Variants in ZNF292 observed in about 807,000 individuals in gnomAD.
ZNF292 encodes zinc finger protein 292.
In ZNF292, 26 loss-of-function variants were observed where a neutral mutation model predicts 217.9. That is an observed-to-expected ratio of 0.12 (90% CI 0.09 to 0.17). ZNF292 has a LOEUF of 0.17. Ranked by LOEUF, ZNF292 falls within the 10% of genes least tolerant of loss-of-function variation. ZNF292 has a pLI of 1.00. For missense variants in ZNF292, 2,904 were observed against 3,175.2 expected (o/e 0.91, Z 2.05); for synonymous variants, 1,257 against 1,124.1 (o/e 1.12, Z -2.37).
chr6:87,166,034 A>C (rs1770901800), intron 1 of ZNF292, among the ~76,000 whole-genome samples: 2 of 152,184 alleles, frequency 1.3e-5, no homozygotes, highest in Non-Finnish European at 2.9e-5. Flanking sequence ...TTGGGATTAC[A>C]GGCGGGAGCC....
At chr6:87,233,235 C>G (rs1773739925) in intron 4 of ZNF292, 90 bp from the exon 5 acceptor site, 7 of 923,060 alleles carry the variant, frequency 7.6e-6, no homozygotes, top group Middle Eastern at 3.5e-4. Context: ...CATTTTAGTT[C>G]CCGTGTTTAA....
In ZNF292 at chr6:87,260,619, G is replaced by A. The variant is rs779371322; in HGVS notation, c.6990G>A (p.Met2330Ile). The A allele has an allele frequency of 3.1e-6, 5 of 1,612,782 alleles. No individual in the cohort carries two copies. The South Asian group carries it at 4.4e-5, about 14-fold the overall frequency. Residue 2330 changes from methionine (M) to isoleucine (I), a missense_variant, in exon 8 of 8, where the codon ATG becomes ATA. Met to Ile is a conservative substitution (Grantham distance 10). Coordinates refer to ENST00000369577, the MANE Select transcript of ZNF292 (RefSeq NM_015021.3). The stretch of plus-strand genomic sequence containing the variant: ...GATGTGGAAAGGAAGGAATAAAAAT[G>A]CCCAAGACCAAACGAAAGAAAAAAA... Reference protein sequence around the residue: ...HSRCGKEGIKMPKTKRKKKNN... With the variant: ...HSRCGKEGIKIPKTKRKKKNN...
At chr6:87,192,519 G>A (rs1473125316) in intron 1 of ZNF292, among the ~76,000 whole-genome samples, 2 of 151,808 alleles carry the variant, frequency 1.3e-5, no homozygotes, top group African/African-American at 4.8e-5. Flanking sequence ...TTTTTATCAT[G>A]GACACTCTTC....
chr6:87,233,982 T>A (rs1001771412), intron 5 of ZNF292, among the ~76,000 whole-genome samples: 13 of 152,222 alleles, frequency 8.5e-5, no homozygotes, highest in Admixed American at 2.0e-4. Context: ...ATGCTATATA[T>A]CATTTTGAGT....
rs759464197 is a variant in ZNF292 at position 87,259,052 on chromosome 6, ATTC to A, written c.5428_5430del (p.Ser1810del). The A allele has an allele frequency of 4.8e-5, 78 of 1,613,462 alleles. No homozygotes were observed. Among genetic ancestry groups the A allele is most frequent in the South Asian group, 3.5e-4 (32 of 91,044 alleles). On this transcript the variant is annotated inframe_deletion, in exon 8 of 8. Transcript: ENST00000369577. ...ACTGTGCAAAATAACAAATTACCCG[ATTC>A]TTCTCCGTTTTCCTCCTTTATAAGT...
At position 87,257,310 on chromosome 6, in the gene ZNF292, A is replaced by G. The variant is rs146052403; in HGVS notation, c.3681A>G (p.Leu1227=). The change falls in exon 8 of 8, where the codon TTA becomes TTG. Residue 1227 remains leucine (L), a synonymous_variant. Coordinates refer to ENST00000369577, the MANE Select transcript of ZNF292 (RefSeq NM_015021.3). ...SQDKNEQGGM[L]CSQMENLPST... ...ATAAAAATGAACAAGGTGGTATGTT[A>G]TGTTCCCAAATGGAAAATTTACCTA... 3 of 1,613,694 alleles carry G rather than the reference A, an allele frequency of 1.9e-6. No homozygotes were observed. The highest frequency in any genetic ancestry group is 4.5e-5 in the East Asian group (2 of 44,882).
chr6:87,229,954 G>C (rs1411981997), intron 4 of ZNF292, among the ~76,000 whole-genome samples: 1 of 143,748 alleles, frequency 7.0e-6, no homozygotes, highest in Non-Finnish European at 1.5e-5. Flanking sequence ...TCTGATTAGT[G>C]ATTTGGGCTG....
In ZNF292 at chr6:87,255,309, T is replaced by C. The variant is rs771471454; in HGVS notation, c.1680T>C (p.Ala560=). The C allele has an allele frequency of 2.5e-5, 41 of 1,613,752 alleles. No individual in the cohort carries two copies. Among genetic ancestry groups the C allele is most frequent in the Non-Finnish European group, 3.5e-5 (41 of 1,179,852 alleles). The change falls in exon 8 of 8, where the codon GCT becomes GCC. Residue 560 remains alanine, a synonymous_variant. Transcript: ENST00000369577. The stretch of plus-strand genomic sequence containing the variant: ...TTGGTCACAGAATAGTACGACATGC[T>C]CAGAAACATTACAAAGATGGAATTT... The part of the protein sequence containing the change: ...EFLGHRIVRH[A]QKHYKDGIYS...
Position 87,261,795 on chromosome 6 carries a change from G to C in ZNF292, c.8166G>C (p.Gln2722His), listed in dbSNP as rs1398820507. The change falls in exon 8 of 8, where the codon CAG becomes CAC. Residue 2722 changes from glutamine to histidine, a missense_variant. Physicochemically the swap from Gln to His is conservative, Grantham distance 24. Transcript: ENST00000369577. ...TAGGTAAAGCCACAGGCAGAGGTCA[G>C]TACTGATAATTAATGTAGTATAAAT... ...ISIGKATGRG[Q>H]Y The C allele has an allele frequency of 6.3e-7, 1 of 1,592,696 alleles. No homozygotes were observed. The highest frequency in any genetic ancestry group is 8.6e-7 in the Non-Finnish European group (1 of 1,168,642).
chr6:87,252,834 T>G (rs1026119812), intron 7 of ZNF292, among the ~76,000 whole-genome samples: 7 of 152,166 alleles, frequency 4.6e-5, no homozygotes, highest in African/African-American at 1.7e-4. Flanking sequence ...ATATACAAGT[T>G]TATATGAAAT....
chr6:87,158,568 C>T (rs571543262), intron 1 of ZNF292, among the ~76,000 whole-genome samples: 1 of 151,930 alleles, frequency 6.6e-6, no homozygotes, highest in African/African-American at 2.4e-5. Context: ...CAGCTACTTA[C>T]GAGGCTGAGG....
chr6:87,253,023 C>T (rs1459883664), intron 7 of ZNF292, among the ~76,000 whole-genome samples: 1 of 152,020 alleles, frequency 6.6e-6, no homozygotes, highest in Non-Finnish European at 1.5e-5. Flanking sequence ...CCTCCTGCCT[C>T]AGCTTTCTTT....
Position 87,256,561 on chromosome 6 carries a change from T to G in ZNF292, c.2932T>G (p.Cys978Gly). ...TDLHTPVEDTCNDLCHPGFQE... is the reference protein window; with the variant it reads ...TDLHTPVEDTGNDLCHPGFQE... ...CTTACATACGCCAGTTGAAGATACT[T>G]GTAATGATTTGTGTCATCCAGGTTT... Residue 978 changes from cysteine to glycine, a missense_variant, in exon 8 of 8, where the codon TGT becomes GGT. Physicochemically the swap from Cys to Gly is radical, Grantham distance 159. Transcript: ENST00000369577. 6.2e-7 allele frequency: 1 copy of G among 1,613,596 alleles called. No individual in the cohort carries two copies. The highest frequency in any genetic ancestry group is 8.5e-7 in the Non-Finnish European group (1 of 1,179,826).
At chr6:87,202,696 T>C (rs1296514161) in intron 1 of ZNF292, among the ~76,000 whole-genome samples, 5 of 152,208 alleles carry the variant, frequency 3.3e-5, no homozygotes, top group African/African-American at 1.2e-4. Flanking sequence ...GAGATACTGA[T>C]TCTTCTTTAC....
At chr6:87,230,137 A>C (rs182560788) in intron 4 of ZNF292, among the ~76,000 whole-genome samples, 1 of 152,230 alleles carries the variant, frequency 6.6e-6, no homozygotes, top group Admixed American at 6.5e-5. Context: ...CTTGAGCACA[A>C]CTGAATAGAT....
At chr6:87,221,902 A>G (rs925936189) in intron 4 of ZNF292, among the ~76,000 whole-genome samples, 21 of 152,152 alleles carry the variant, frequency 1.4e-4, no homozygotes, top group African/African-American at 5.1e-4. Flanking sequence ...ACTTAAGTTA[A>G]TGTAATGTAA....
chr6:87,258,878 A>G lies in ZNF292; in HGVS notation c.5249A>G (p.Asn1750Ser), dbSNP rs370856416. ...INSDLQISED[N>S]VIQNFEKTLE... Reference sequence around the variant, plus strand: ...TCTGATTTGCAGATTTCTGAAGACAATGTTATACAAAACTTTGAAAAGACT... The same window carrying G: ...TCTGATTTGCAGATTTCTGAAGACAGTGTTATACAAAACTTTGAAAAGACT... The change falls in exon 8 of 8, where the codon AAT becomes AGT. Residue 1750 changes from asparagine (N) to serine (S), a missense_variant. This residue lies in a region of ZNF292 where 622 missense variants were observed against 573.1 expected (regional missense o/e 1.09). Coordinates refer to ENST00000369577, the MANE Select transcript of ZNF292 (RefSeq NM_015021.3). 36 of 1,607,696 alleles carry G rather than the reference A, an allele frequency of 2.2e-5. No homozygotes were observed. The highest frequency in any genetic ancestry group is 4.0e-5 in the African/African-American group (3 of 74,826).
intron 1 of ZNF292, among the ~76,000 whole-genome samples, chr6:87,159,759 G>A (rs1007697401): frequency 2.0e-5 from 3 of 151,882 alleles, no homozygotes; most frequent in Admixed American, 1.3e-4. Context: ...GATTACAGGC[G>A]TGAGCCACCA....
chr6:87,222,314 C>T lies in ZNF292; in HGVS notation c.538+3583C>T, dbSNP rs371836634. On this transcript the variant is annotated intron_variant, in intron 4 of 7. Coordinates refer to ENST00000369577, the MANE Select transcript of ZNF292 (RefSeq NM_015021.3). ...TCTTTCTGCTTGCCTTTAGTTCTTA[C>T]ATCCATATCCGTTGATTATTATTGT... Among the ~76,000 whole-genome samples the T allele has an allele frequency of 5.3e-5, 8 of 152,186 alleles. No homozygotes were observed. In the East Asian group the frequency reaches 1.2e-3, roughly 22 times the overall value.
Sources: gnomAD v4.1 joint callset for allele counts (sites outside exome capture counted in the v4.1 genomes callset) on GRCh38, gnomAD v4.1.1 for gene constraint, gnomAD v4.1.1 regional missense constraint, MANE v1.5 for transcripts, NCBI Gene and HGNC (gene_info 2026-07-23, HGNC 2026-07-21) for gene names.